Variants in CCDC57 observed in about 807,000 individuals in gnomAD.
CCDC57 encodes the protein coiled-coil domain containing 57.
Under a neutral mutation model 118.9 loss-of-function variants are expected in CCDC57, and 118 were observed. The observed-to-expected ratio is 0.99, with a 90% CI of 0.86 to 1.16. CCDC57 has a LOEUF of 1.16. Among genes scored for constraint, CCDC57 ranks in the 50% most tolerant of loss-of-function variants. CCDC57 has a pLI of 0.00. For missense variants in CCDC57, 1,300 were observed against 1,320.7 expected (o/e 0.98, Z 0.24); for synonymous variants, 527 against 532.9 (o/e 0.99, Z 0.15).
At chr17:82,209,490 T>C (rs745897188) in intron 1 of CCDC57, among the ~76,000 whole-genome samples, 5 of 152,136 alleles carry the variant, frequency 3.3e-5, no homozygotes, top group Non-Finnish European at 7.4e-5. Flanking sequence ...TTTTGGTGTT[T>C]GTTGTTTGTT....
chr17:82,174,796 G>A (rs190493817), intron 11 of CCDC57, among the ~76,000 whole-genome samples: 115 of 152,304 alleles, frequency 7.6e-4, no homozygotes, highest in African/African-American at 2.6e-3. Flanking sequence ...TGCTTCTTTT[G>A]ATTCTTGCAT....
At chr17:82,107,642 G>A (rs2034956484) in intron 19 of CCDC57, 1 of 467,760 alleles carries the variant, frequency 2.1e-6, no homozygotes, top group African/African-American at 2.0e-5. Flanking sequence ...AGGAGAAGGA[G>A]GGCAGCCTGG....
chr17:82,155,334 C>T (rs1196679892), intron 15 of CCDC57: 1 of 152,248 alleles, frequency 6.6e-6, no homozygotes, highest in Admixed American at 6.5e-5. Context: ...GGAAGAGTGC[C>T]CCGTTCCCCT....
intron 7 of CCDC57, among the ~76,000 whole-genome samples, chr17:82,189,725 T>TG: frequency 6.6e-6 from 1 of 151,780 alleles, no homozygotes; most frequent in African/African-American, 2.4e-5. Flanking sequence ...TGGTAGCACA[T>TG]CCCTGTGATC....
In CCDC57 at chr17:82,201,521, G is replaced by T; in HGVS notation, c.407+17C>A. On this transcript the variant is annotated intron_variant, in intron 3 of 19. Coordinates refer to ENST00000665763, the Ensembl canonical transcript of CCDC57. ...TGCCAGGCACTGCACAGGAGGGCGC[G>T]TCGGTCGGTGGCTCACCTGTGGACG... The T allele has an allele frequency of 6.3e-7, 1 of 1,576,646 alleles. No homozygotes were observed. Among genetic ancestry groups the T allele is most frequent in the East Asian group, 2.3e-5 (1 of 43,334 alleles).
chr17:82,183,917 T>C (rs2046516989), exon 9 of CCDC57: 5 of 1,613,484 alleles, frequency 3.1e-6, no homozygotes, highest in African/African-American at 1.3e-5. Context: ...TTACAGTTGA[T>C]GCATCTTCAC....
intron 14 of CCDC57, among the ~76,000 whole-genome samples, chr17:82,159,284 C>G (rs1166451118): frequency 6.6e-6 from 1 of 152,156 alleles, no homozygotes. Flanking sequence ...CAGGTGTGTA[C>G]CACCGTGCCC....
intron 15 of CCDC57, chr17:82,155,446 T>G (rs8078087): frequency 0.47 from 71,152 of 152,242 alleles, 17,453 homozygotes; most frequent in East Asian, 0.88. Context: ...GTTCTGGTCC[T>G]TGGGGACCCC....
At chr17:82,197,398 A>G (rs2048453939) in intron 4 of CCDC57, among the ~76,000 whole-genome samples, 1 of 152,252 alleles carries the variant, frequency 6.6e-6, no homozygotes, top group African/African-American at 2.4e-5. Context: ...ATGTCTTTCA[A>G]CAAAACCCCA....
At chr17:82,127,882 GGTCACC>G in exon 19 of CCDC57, 1 of 1,612,250 alleles carries the variant, frequency 6.2e-7, no homozygotes, top group Non-Finnish European at 8.5e-7. Context: ...GTGATTTACA[GGTCACC>G]GTGTGGATGC....
rs956088417 is a variant in CCDC57, at chr17:82,207,338, T to TA, written c.-9+508dup. On this transcript the variant is annotated intron_variant, in intron 2 of 19. Coordinates refer to ENST00000665763, the Ensembl canonical transcript of CCDC57. ...ACAGAGTGAGACCCTGTCTCAAAAA[T>TA]AAAAAAAAAAAAACAAAAAAGAAAT... is the stretch of plus-strand genomic sequence containing the variant. Among the ~76,000 whole-genome samples the TA allele has an allele frequency of 7.8e-3, 957 of 123,444 alleles. 7 individuals carry two copies. The highest frequency in any genetic ancestry group is 0.021 in the African/African-American group (658 of 32,006). The allele number at this position is 123,444 out of a possible 152,430, so 81.0% of individuals were successfully genotyped here. A position where few individuals can be genotyped will look rare whatever the true frequency, so the allele number is the denominator to read the frequency against.
Position 82,184,022 on chromosome 17 carries a change from C to CGCGCGT in CCDC57, c.1053-91_1053-90insACGCGC, listed in dbSNP as rs1555746233. The CGCGCGT allele has an allele frequency of 3.9e-5, 16 of 408,252 alleles. 1 individual carries two copies. Among genetic ancestry groups the CGCGCGT allele is most frequent in the South Asian group, 2.9e-4 (12 of 40,770 alleles). The allele number at this position is 408,252 out of a possible 1,614,324, so 25.3% of individuals were successfully genotyped here. The stretch of plus-strand genomic sequence containing the variant: ...ACCCCCCAGCAAATACACATGCGCG[C>CGCGCGT]GCGCGCGCGCACACACACACACACA... On this transcript the variant is annotated intron_variant, in intron 8 of 19. Transcript: ENST00000665763.
chr17:82,163,578 A>C lies in CCDC57; in HGVS notation c.1883-221T>G, dbSNP rs183302343. Among the ~76,000 whole-genome samples, 305 of 152,336 alleles carry C rather than the reference A, an allele frequency of 2.0e-3. 1 individual carries two copies. Among genetic ancestry groups the C allele is most frequent in the African/African-American group, 7.1e-3 (294 of 41,574 alleles). Reference sequence around the variant, plus strand: ...TAATCCTCATGTAAAGAAAGCAAGAATCCTTGTAGGAAAAAGTCTGACCTT... The same window carrying C: ...TAATCCTCATGTAAAGAAAGCAAGACTCCTTGTAGGAAAAAGTCTGACCTT... On this transcript the variant is annotated intron_variant, in intron 13 of 19. Coordinates refer to ENST00000665763, the Ensembl canonical transcript of CCDC57.
intron 2 of CCDC57, among the ~76,000 whole-genome samples, chr17:82,202,832 A>G (rs865881418): frequency 6.6e-6 from 1 of 152,338 alleles, no homozygotes; most frequent in African/African-American, 2.4e-5. Flanking sequence ...TTGTCCAGCT[A>G]TAAGAGCTAG....
At chr17:82,185,005 G>A (rs927531406) in intron 8 of CCDC57, 6 of 152,292 alleles carry the variant, frequency 3.9e-5, no homozygotes, top group African/African-American at 1.2e-4. Flanking sequence ...TGGACCATGA[G>A]CCACCTAATT....
intron 17 of CCDC57, among the ~76,000 whole-genome samples, chr17:82,132,250 A>AT (rs2038507106): frequency 6.6e-6 from 1 of 152,304 alleles, no homozygotes; most frequent in South Asian, 2.1e-4. Flanking sequence ...TTAAAGCGGT[A>AT]TAGTACCATT....
intron 16 of CCDC57, among the ~76,000 whole-genome samples, chr17:82,139,779 T>C (rs2039768298): frequency 6.6e-6 from 1 of 152,198 alleles, no homozygotes; most frequent in South Asian, 2.1e-4. Context: ...CACAGGCTTC[T>C]GATGGCGGCA....
At chr17:82,125,617 C>G (rs552256549) in intron 19 of CCDC57, among the ~76,000 whole-genome samples, 2 of 152,222 alleles carry the variant, frequency 1.3e-5, no homozygotes, top group Admixed American at 1.3e-4. Flanking sequence ...CTCAACTGAT[C>G]CACCTGCCTT....
intron 11 of CCDC57, among the ~76,000 whole-genome samples, chr17:82,173,165 G>A (rs2044994292): frequency 6.6e-6 from 1 of 152,198 alleles, no homozygotes; most frequent in Non-Finnish European, 1.5e-5. Flanking sequence ...GTTTCTTGGG[G>A]ACAGAGCTTC....
Sources: allele counts gnomAD v4.1 joint callset (sites outside exome capture counted in the v4.1 genomes callset), GRCh38; gene constraint gnomAD v4.1.1; transcripts MANE v1.5; gene names NCBI Gene and HGNC (gene_info 2026-07-23, HGNC 2026-07-21).